PDZD2: variants seen among roughly 807,000 people sequenced by gnomAD.
PDZD2 encodes the protein PDZ domain containing 2, also known as PDZ domain-containing protein 2.
A neutral mutation model predicts 220.7 loss-of-function variants in PDZD2; 90 were observed. That is an observed-to-expected ratio of 0.41 (90% CI 0.34 to 0.49). The LOEUF (loss-of-function observed/expected upper bound fraction) is 0.49, where lower values mean the gene tolerates loss of function less well. Ranked by LOEUF, PDZD2 falls within the 20% of genes least tolerant of loss-of-function variation. The probability of loss-of-function intolerance (pLI) is 0.28; values close to 1 mark genes in which losing one functional copy is unlikely to be tolerated. For synonymous variants in PDZD2, 1,375 were observed against 1,450.5 expected (o/e 0.95, Z 1.18); for missense variants, 3,174 against 3,608.5 (o/e 0.88, Z 3.08).
chr5:31,689,052 T>C (rs1207982112), intron 1 of PDZD2, among the ~76,000 whole-genome samples: 2 of 151,820 alleles, frequency 1.3e-5, no homozygotes, highest in African/African-American at 2.4e-5. Context: ...TCCACAAGGT[T>C]TTTTGTTTTC....
At chr5:31,793,412 G>A (rs1206381941) in intron 1 of PDZD2, among the ~76,000 whole-genome samples, 5 of 152,126 alleles carry the variant, frequency 3.3e-5, no homozygotes. Flanking sequence ...AGTTCCCTCT[G>A]CCCAGAACAA....
rs1405162446 is a variant in PDZD2 at position 31,677,570 on chromosome 5, T to C, written c.-361+38133T>C. On this transcript the variant is annotated intron_variant, in intron 1 of 24. Coordinates refer to ENST00000438447, the MANE Select transcript of PDZD2 (RefSeq NM_178140.4). ...GGCGGAGCTTGCAGTGAGCCGAGAT[T>C]GCGCCACTGCACTCCAGCCTGGGCG... Among the ~76,000 whole-genome samples the C allele has an allele frequency of 2.0e-3, 5 of 2,564 alleles. 2 individuals are homozygous for C. Among genetic ancestry groups the C allele is most frequent in the African/African-American group, 2.9e-3 (5 of 1,702 alleles). 1.7% of individuals were successfully genotyped at this position (2,564 alleles called of 152,430 possible).
At chr5:31,807,565 C>T (rs1040122142) in intron 2 of PDZD2, among the ~76,000 whole-genome samples, 5 of 152,180 alleles carry the variant, frequency 3.3e-5, no homozygotes, top group Non-Finnish European at 7.3e-5. Flanking sequence ...AGAGAAGAGC[C>T]TCAAACTCTG....
chr5:31,781,420 G>GCAA (rs1561455022), intron 1 of PDZD2, among the ~76,000 whole-genome samples: 1 of 152,104 alleles, frequency 6.6e-6, no homozygotes, highest in Non-Finnish European at 1.5e-5. Flanking sequence ...TCTCAAAAAA[G>GCAA]CAACAACAAC....
At chr5:32,003,601 G>A (rs1344974517) in intron 5 of PDZD2, among the ~76,000 whole-genome samples, 5 of 152,148 alleles carry the variant, frequency 3.3e-5, no homozygotes, top group African/African-American at 7.2e-5. Context: ...CCTCAAAATC[G>A]TGTGCTGAAG....
At chr5:31,658,623 C>CTTT (rs746305849) in intron 1 of PDZD2, among the ~76,000 whole-genome samples, 3,852 of 146,880 alleles carry the variant, frequency 0.026, 81 homozygotes, top group South Asian at 0.074. Context: ...GCTGTTTTCA[C>CTTT]TTTTTTTTTT....
rs185097516 is a variant in PDZD2, at chr5:31,738,773, G to A, written c.-360-60116G>A. ...TGGGAAGAACACAGCTGCAGTTATT[G>A]CCTAAGTATCGTTTAGCGATACACA... On this transcript the variant is annotated intron_variant, in intron 1 of 24. Transcript: ENST00000438447. The A allele has an allele frequency of 2.6e-5, 4 of 152,278 alleles. No individual in the cohort carries two copies. The East Asian group carries it at 7.7e-4, about 29-fold the overall frequency. 9.4% of individuals were successfully genotyped at this position (152,278 alleles called of 1,614,324 possible). A position where few individuals can be genotyped will look rare whatever the true frequency, so the allele number is the denominator to read the frequency against.
At chr5:31,955,011 G>T (rs746173668) in intron 2 of PDZD2, among the ~76,000 whole-genome samples, 8 of 152,072 alleles carry the variant, frequency 5.3e-5, no homozygotes, top group Non-Finnish European at 1.0e-4. Context: ...TCATATCCCC[G>T]CCGGGGTTGA....
intron 1 of PDZD2, among the ~76,000 whole-genome samples, chr5:31,728,192 C>T (rs1304116392): frequency 6.6e-6 from 1 of 151,914 alleles, no homozygotes; most frequent in African/African-American, 2.4e-5. Context: ...CTTCTGGCCT[C>T]TATGCACTAG....
intron 1 of PDZD2, among the ~76,000 whole-genome samples, chr5:31,713,320 C>T (rs1370224366): frequency 6.6e-6 from 1 of 152,192 alleles, no homozygotes; most frequent in African/African-American, 2.4e-5. Flanking sequence ...GCTGGACGAC[C>T]CTAGCTTCTG....
intron 9 of PDZD2, 75 bp downstream of exon 9, chr5:32,052,805 T>A: frequency 1.3e-6 from 2 of 1,502,046 alleles, no homozygotes; most frequent in Admixed American, 3.6e-5. Flanking sequence ...TTTTATTTTA[T>A]TTGTTTTTGT....
At chr5:31,751,510 C>A (rs1750972408) in intron 1 of PDZD2, among the ~76,000 whole-genome samples, 1 of 152,258 alleles carries the variant, frequency 6.6e-6, no homozygotes, top group South Asian at 2.1e-4. Flanking sequence ...CAAGTCTGAA[C>A]TCTAAGGCTT....
At chr5:32,013,985 C>T (rs1186017979) in intron 6 of PDZD2, among the ~76,000 whole-genome samples, 1 of 152,226 alleles carries the variant, frequency 6.6e-6, no homozygotes. Context: ...GGACATTTTC[C>T]AGGCTTCACA....
rs932070034 is a variant in PDZD2, at chr5:32,110,440, T to C, written c.*2305T>C. On this transcript the variant is annotated 3_prime_UTR_variant, in exon 25 of 25. Coordinates refer to ENST00000438447, the MANE Select transcript of PDZD2 (RefSeq NM_178140.4). Reference sequence around the variant, plus strand: ...AAACTGTCTTTGACCCTAAGATAGATAGAAAGCTATTTATTTGTCTTCAGT... The same window carrying C: ...AAACTGTCTTTGACCCTAAGATAGACAGAAAGCTATTTATTTGTCTTCAGT... 3.3e-5 allele frequency: 5 copies of C among 152,664 alleles called. No individual in the cohort carries two copies. The highest frequency in any genetic ancestry group is 1.2e-4 in the African/African-American group (5 of 41,474). 9.5% of individuals were successfully genotyped at this position (152,664 alleles called of 1,614,324 possible). A position where few individuals can be genotyped will look rare whatever the true frequency, so the allele number is the denominator to read the frequency against.
chr5:31,753,487 C>T (rs1751130297), intron 1 of PDZD2, among the ~76,000 whole-genome samples: 2 of 152,314 alleles, frequency 1.3e-5, no homozygotes, highest in Non-Finnish European at 2.9e-5. Context: ...GTAGTCTCAG[C>T]TACTCAGGAG....
chr5:31,838,430 C>T (rs942234574), intron 2 of PDZD2, among the ~76,000 whole-genome samples: 6 of 152,198 alleles, frequency 3.9e-5, no homozygotes, highest in African/African-American at 1.4e-4. Context: ...AATCACGTGG[C>T]TCAGCAGCAC....
At position 32,109,198 on chromosome 5, in the gene PDZD2, A is replaced by AGAC. The variant is rs1581521802; in HGVS notation, c.*1064_*1066dup. On this transcript the variant is annotated 3_prime_UTR_variant, in exon 25 of 25. Coordinates refer to ENST00000438447, the MANE Select transcript of PDZD2 (RefSeq NM_178140.4). ...AGGAGCTTAATGGAATCCTTTTAGG[A>AGAC]GACTGGTTGGTTTTTTTCCCTCTTT... 1 of 152,140 alleles carries AGAC rather than the reference A, an allele frequency of 6.6e-6. No individual in the cohort carries two copies. The highest frequency in any genetic ancestry group is 1.5e-5 in the Non-Finnish European group (1 of 68,048). 9.4% of individuals were successfully genotyped at this position (152,140 alleles called of 1,614,324 possible).
chr5:32,080,122 A>G (rs896497632), intron 19 of PDZD2, among the ~76,000 whole-genome samples: 7 of 152,052 alleles, frequency 4.6e-5, no homozygotes, highest in South Asian at 4.1e-4. Context: ...GCCAAGACGG[A>G]CGGATCACAA....
intron 18 of PDZD2, among the ~76,000 whole-genome samples, 167 bp downstream of exon 18, chr5:32,074,810 C>CTT (rs33999865): frequency 1.4e-5 from 2 of 145,310 alleles, no homozygotes; most frequent in African/African-American, 2.5e-5. Context: ...GCTTGGAAGC[C>CTT]TTTTTTTTTT....
Sources: gnomAD v4.1 joint callset for allele counts (sites outside exome capture counted in the v4.1 genomes callset) on GRCh38, gnomAD v4.1.1 for gene constraint, MANE v1.5 for transcripts, NCBI Gene and HGNC (gene_info 2026-07-23, HGNC 2026-07-21) for gene names.